The following EFCC1 variants were observed in gnomAD, a reference collection of about 807,000 sequenced individuals.
EFCC1 encodes the protein EF-hand and coiled-coil domain-containing protein 1.
EFCC1 carries 50 observed loss-of-function variants against 52.1 expected under a neutral mutation model. The ratio of observed to expected loss-of-function variants is 0.96; its 90% confidence interval spans 0.76 to 1.21. The LOEUF (loss-of-function observed/expected upper bound fraction) is 1.21. Among genes scored for constraint, EFCC1 ranks in the 50% most tolerant of loss-of-function variants. EFCC1 has a pLI of 0.00. For synonymous variants in EFCC1, 399 were observed against 396.5 expected (o/e 1.01, Z -0.08); for missense variants, 837 against 867.3 (o/e 0.97, Z 0.44).
At chr3:129,015,050 G>A (rs1945509621) in intron 2 of EFCC1, among the ~76,000 whole-genome samples, 1 of 152,090 alleles carries the variant, frequency 6.6e-6, no homozygotes, top group Admixed American at 6.5e-5. Flanking sequence ...CAGAACCACG[G>A]ACCACACAGC....
chr3:129,006,843 G>A (rs895174110), intron 2 of EFCC1, among the ~76,000 whole-genome samples: 2 of 152,156 alleles, frequency 1.3e-5, no homozygotes, highest in Non-Finnish European at 2.9e-5. Context: ...ATTTTCTGTG[G>A]TCAAAGTTTG....
rs1436945687 is a variant in EFCC1, at chr3:129,030,054, C to T, written c.981-649C>T. ...TACAAAAATTAGCTGGGTGTGGTGG[C>T]GCATACCTGTAGTCCCAGCTAATTG... On this transcript the variant is annotated intron_variant, in intron 2 of 7. Transcript: ENST00000683648. Among the ~76,000 whole-genome samples the T allele has an allele frequency of 2.0e-5, 3 of 151,850 alleles. 1 individual carries two copies. Among genetic ancestry groups the T allele is most frequent in the African/African-American group, 7.3e-5 (3 of 41,314 alleles).
chr3:129,001,971 G>C lies in EFCC1; in HGVS notation c.343G>C (p.Ala115Pro), dbSNP rs1944790244. The C allele has an allele frequency of 3.9e-6, 6 of 1,544,692 alleles. No individual in the cohort carries two copies. Among genetic ancestry groups the C allele is most frequent in the Non-Finnish European group, 3.5e-6 (4 of 1,144,582 alleles). Residue 115 changes from alanine to proline, a missense_variant, in exon 1 of 8, where the codon GCT becomes CCT. Coordinates refer to ENST00000683648, the MANE Select transcript of EFCC1 (RefSeq NM_001377500.1). ...SRDVTPGDAA[A>P]ELATDGDSDT... ...AGATGTGACCCCCGGGGATGCGGCC[G>C]CTGAGTTGGCCACGGACGGGGACTC...
At chr3:129,035,490 G>A (rs571220674) in intron 5 of EFCC1, among the ~76,000 whole-genome samples, 1 of 152,374 alleles carries the variant, frequency 6.6e-6, no homozygotes, top group South Asian at 2.1e-4. Context: ...CAGCCTCTTA[G>A]TGCATGAAAT....
rs148883463 is a variant in EFCC1, at chr3:129,014,533, C to T, written c.980+10456C>T. Among the ~76,000 whole-genome samples, 753 of 152,310 alleles carry T rather than the reference C, an allele frequency of 4.9e-3. 7 individuals are homozygous for T. Among genetic ancestry groups the T allele is most frequent in the African/African-American group, 0.017 (716 of 41,558 alleles). On this transcript the variant is annotated intron_variant, in intron 2 of 7. Transcript: ENST00000683648. The surrounding 1 kb of genome is among the most constrained non-coding windows in gnomAD (Gnocchi z 4.3). ...GACACCAGTCAGACTGGATTAGGGC[C>T]CACCCTAAAGACCTCATTTTAACTT...
Position 129,028,921 on chromosome 3 carries a change from G to A in EFCC1, c.981-1782G>A, listed in dbSNP as rs1972301. ...CTCCCAAAGTGCTAGGATTACAGGC[G>A]TGAGCCACTGTGCCCAGCCTCATTG... On this transcript the variant is annotated intron_variant, in intron 2 of 7. Transcript: ENST00000683648. Among the ~76,000 whole-genome samples the A allele has an allele frequency of 8.4e-3, 1,285 of 152,288 alleles. 43 individuals are homozygous for A. The South Asian group carries it at 0.085, about 10-fold the overall frequency.
intron 2 of EFCC1, among the ~76,000 whole-genome samples, chr3:129,009,024 G>A (rs897657937): frequency 6.6e-6 from 1 of 150,500 alleles, no homozygotes; most frequent in African/African-American, 2.4e-5. Context: ...GGGGCGGGGC[G>A]GGAATCTGTT....
intron 5 of EFCC1, among the ~76,000 whole-genome samples, 168 bp downstream of exon 5, chr3:129,034,497 T>C (rs1472215240): frequency 6.6e-6 from 1 of 152,168 alleles, no homozygotes; most frequent in African/African-American, 2.4e-5. Context: ...ATATTTTGGT[T>C]GCAAATTAAA....
In EFCC1 at chr3:129,004,094, GC is replaced by G; in HGVS notation, c.980+20del. 6.8e-7 allele frequency: 1 copy of G among 1,475,794 alleles called. No homozygotes were observed. Among genetic ancestry groups the G allele is most frequent in the Non-Finnish European group, 8.9e-7 (1 of 1,119,192 alleles). The allele number at this position is 1,475,794 out of a possible 1,614,324, so 91.4% of individuals were successfully genotyped here. A position where few individuals can be genotyped will look rare whatever the true frequency, so the allele number is the denominator to read the frequency against. Reference sequence around the variant, plus strand: ...ACGCTACAGGTGAGCGGGGGCGCGTGCCCTGGGCCCAAGTTCCCCAATTCGG... The same window carrying G: ...ACGCTACAGGTGAGCGGGGGCGCGTGCCTGGGCCCAAGTTCCCCAATTCGG... On this transcript the variant is annotated intron_variant, in intron 2 of 7. Transcript: ENST00000683648.
At chr3:129,026,218 A>G (rs899716671) in intron 2 of EFCC1, among the ~76,000 whole-genome samples, 13 of 152,350 alleles carry the variant, frequency 8.5e-5, no homozygotes, top group Admixed American at 2.6e-4. Flanking sequence ...TCTAAGACAC[A>G]TGCAAGTGCT....
In EFCC1 at chr3:129,010,348, G is replaced by A. The variant is rs1945265408; in HGVS notation, c.980+6271G>A. On this transcript the variant is annotated intron_variant, in intron 2 of 7. Coordinates refer to ENST00000683648, the MANE Select transcript of EFCC1 (RefSeq NM_001377500.1). This position sits in a 1 kb window ranked among gnomAD's most constrained non-coding sequence, Gnocchi z 4.3. ...GGGGCCTTCAGGACACCGGGGCAGGGCAGGCAGCCTAGGGCCAGCACCACT... is the reference window on the plus strand; with the variant it reads ...GGGGCCTTCAGGACACCGGGGCAGGACAGGCAGCCTAGGGCCAGCACCACT... Among the ~76,000 whole-genome samples, 1 of 152,220 alleles carries A rather than the reference G, an allele frequency of 6.6e-6. No homozygotes were observed. Among genetic ancestry groups the A allele is most frequent in the Non-Finnish European group, 1.5e-5 (1 of 68,042 alleles).
In EFCC1 at chr3:129,039,766, C is replaced by T. The variant is rs1488413840; in HGVS notation, c.1718C>T (p.Ala573Val). Residue 573 changes from alanine (A) to valine (V), a missense_variant, in exon 8 of 8, where the codon GCC becomes GTC. Transcript: ENST00000683648. Reference protein sequence around the residue: ...ILDALHQALAACQLLRRQPSA... With the variant: ...ILDALHQALAVCQLLRRQPSA... ...GATGCCCTGCACCAAGCCTTGGCTG[C>T]CTGCCAGCTGTTGCGGAGACAGCCC... 1.6e-5 allele frequency: 25 copies of T among 1,612,230 alleles called. No individual in the cohort carries two copies. The East Asian group carries it at 5.4e-4, about 35-fold the overall frequency.
chr3:129,034,206 T>C lies in EFCC1; in HGVS notation c.1329T>C (p.Gly443=). The part of the protein sequence containing the change: ...QTAEKLMTYF[G]HFGGANHAHT... ...CGGAGAAGCTCATGACTTACTTTGG[T>C]CACTTCGGCGGTGCCAACCATGCCC... Residue 443 remains glycine (G), a synonymous_variant, in exon 5 of 8, where the codon GGT becomes GGC. Coordinates refer to ENST00000683648, the MANE Select transcript of EFCC1 (RefSeq NM_001377500.1). 1 of 1,614,186 alleles carries C rather than the reference T, an allele frequency of 6.2e-7. No individual in the cohort carries two copies. Among genetic ancestry groups the C allele is most frequent in the Non-Finnish European group, 8.5e-7 (1 of 1,180,042 alleles).
At chr3:129,015,435 G>A (rs114367862) in intron 2 of EFCC1, among the ~76,000 whole-genome samples, 5,918 of 152,076 alleles carry the variant, frequency 0.039, 296 homozygotes, top group African/African-American at 0.11. Flanking sequence ...GGGAGGTTGC[G>A]GGGTAAGCTC....
chr3:129,004,190 T>C (rs1944954063), intron 2 of EFCC1, 113 bp downstream of exon 2: 9 of 1,244,334 alleles, frequency 7.2e-6, no homozygotes, highest in South Asian at 3.7e-5. Context: ...AGTTTCTCCA[T>C]GCGTTTATTC....
chr3:129,001,784 C>T lies in EFCC1; in HGVS notation c.156C>T (p.Ala52=). The T allele has an allele frequency of 6.5e-7, 1 of 1,543,712 alleles. No homozygotes were observed. The highest frequency in any genetic ancestry group is 8.7e-7 in the Non-Finnish European group (1 of 1,145,504). ...RGVENEIVVL[A]TGLDQYLQEV... Reference sequence around the variant, plus strand: ...TGGAGAACGAGATCGTGGTGCTGGCCACCGGCCTGGACCAGTACCTGCAGG... The same window carrying T: ...TGGAGAACGAGATCGTGGTGCTGGCTACCGGCCTGGACCAGTACCTGCAGG... The change falls in exon 1 of 8, where the codon GCC becomes GCT. Residue 52 remains alanine, a synonymous_variant. Transcript: ENST00000683648.
At chr3:129,035,445 G>A (rs1241816000) in intron 5 of EFCC1, among the ~76,000 whole-genome samples, 1 of 152,184 alleles carries the variant, frequency 6.6e-6, no homozygotes, top group Non-Finnish European at 1.5e-5. Context: ...TGAGTCACTG[G>A]GGGCAGGAGG....
intron 2 of EFCC1, among the ~76,000 whole-genome samples, chr3:129,016,539 C>T (rs557503699): frequency 4.7e-5 from 7 of 149,286 alleles, no homozygotes; most frequent in East Asian, 2.2e-4. Context: ...AAGCCGTGCC[C>T]GTGAGCTCCA....
At chr3:129,008,949 C>G (rs1945194745) in intron 2 of EFCC1, among the ~76,000 whole-genome samples, 1 of 148,876 alleles carries the variant, frequency 6.7e-6, no homozygotes, top group African/African-American at 2.5e-5. Context: ...TCAAATCCCA[C>G]AAAATAGTCC....
Sources: allele counts gnomAD v4.1 joint callset (sites outside exome capture counted in the v4.1 genomes callset), GRCh38; gene constraint gnomAD v4.1.1; non-coding constraint Gnocchi (gnomAD v3.1); transcripts MANE v1.5; gene names NCBI Gene and HGNC (gene_info 2026-07-23, HGNC 2026-07-21).